Variants in GABRB2 observed in about 807,000 individuals in gnomAD.
The protein encoded by GABRB2 is gamma-aminobutyric acid type A receptor subunit beta2.
In GABRB2, 16 loss-of-function variants were observed where a neutral mutation model predicts 54.7. The ratio of observed to expected loss-of-function variants is 0.29; its 90% CI spans 0.20 to 0.44. The LOEUF (loss-of-function observed/expected upper bound fraction) is 0.44. Ranked by LOEUF, GABRB2 falls within the 20% of genes least tolerant of loss-of-function variation. GABRB2 has a pLI of 1.00. For missense variants in GABRB2, 355 were observed against 644.0 expected, an observed-to-expected ratio of 0.55 and a Z score of 4.86; for synonymous variants, 244 against 233.8, an observed-to-expected ratio of 1.04 and a Z score of -0.40.
chr5:161,353,938 A>G (rs1754543214), intron 5 of GABRB2, among the ~76,000 whole-genome samples: 2 of 152,198 alleles, frequency 1.3e-5, no homozygotes, highest in African/African-American at 2.4e-5. Flanking sequence ...ATTGATTTTC[A>G]GATCCAAGGG....
At chr5:161,325,048 A>G (rs1433703774) in intron 9 of GABRB2, among the ~76,000 whole-genome samples, 1 of 152,082 alleles carries the variant, frequency 6.6e-6, no homozygotes, top group East Asian at 1.9e-4. Flanking sequence ...CCCAGTCTTT[A>G]CAATAATCAT....
At chr5:161,486,262 T>A (rs770446960) in intron 3 of GABRB2, among the ~76,000 whole-genome samples, 6 of 151,840 alleles carry the variant, frequency 4.0e-5, no homozygotes, top group Non-Finnish European at 5.9e-5. Context: ...TTCTCAAACA[T>A]CCACCCTGTA....
chr5:161,507,231 A>G (rs1470316227), intron 3 of GABRB2, among the ~76,000 whole-genome samples: 1 of 152,112 alleles, frequency 6.6e-6, no homozygotes, highest in African/African-American at 2.4e-5. Flanking sequence ...AGGGTACTGG[A>G]TTGGATCCTG....
intron 3 of GABRB2, among the ~76,000 whole-genome samples, chr5:161,536,031 A>T (rs1181237825): frequency 6.6e-6 from 1 of 152,100 alleles, no homozygotes; most frequent in Non-Finnish European, 1.5e-5. Flanking sequence ...CTTTAGTTGA[A>T]GCAGCCTGAT....
At chr5:161,525,875 T>A (rs1303233003) in intron 3 of GABRB2, among the ~76,000 whole-genome samples, 1 of 151,356 alleles carries the variant, frequency 6.6e-6, no homozygotes, top group East Asian at 1.9e-4. Flanking sequence ...AAAAATTTCA[T>A]ACCCAAATTT....
intron 5 of GABRB2, among the ~76,000 whole-genome samples, chr5:161,389,349 A>T (rs188388176): frequency 6.6e-6 from 1 of 151,992 alleles, no homozygotes; most frequent in South Asian, 2.1e-4. Flanking sequence ...TATTCCCCAA[A>T]TTATTTCTTC....
In GABRB2 at chr5:161,313,442, C is replaced by T. The variant is rs111303922; in HGVS notation, c.1191+12926G>A. 1.0e-2 allele frequency among the ~76,000 whole-genome samples: 1,510 copies of T among 151,656 alleles called. 28 individuals are homozygous for T. Among genetic ancestry groups the T allele is most frequent in the African/African-American group, 0.034 (1,397 of 41,314 alleles). On this transcript the variant is annotated intron_variant, in intron 9 of 9. Transcript: ENST00000393959. Reference sequence around the variant, plus strand: ...TTCCTCAACATGCATCTGAAGAAAACACCTCCGTCCTCTGAAACTCAGCAG... The same window carrying T: ...TTCCTCAACATGCATCTGAAGAAAATACCTCCGTCCTCTGAAACTCAGCAG...
chr5:161,496,484 C>A (rs1399515929), intron 3 of GABRB2, among the ~76,000 whole-genome samples: 6 of 150,532 alleles, frequency 4.0e-5, no homozygotes, highest in Admixed American at 4.0e-4. Flanking sequence ...ATATAGTTAT[C>A]TGTCAAATTA....
intron 4 of GABRB2, among the ~76,000 whole-genome samples, chr5:161,423,629 T>C (rs10066996): frequency 0.27 from 41,654 of 151,986 alleles, 7,215 homozygotes; most frequent in African/African-American, 0.49. Context: ...CAGCCATACC[T>C]ATCTCTCTCT....
intron 5 of GABRB2, among the ~76,000 whole-genome samples, chr5:161,357,787 G>A (rs1390776241): frequency 6.6e-6 from 1 of 152,118 alleles, no homozygotes; most frequent in East Asian, 1.9e-4. Context: ...ATATGAAAGA[G>A]AGAGTGGACA....
intron 5 of GABRB2, among the ~76,000 whole-genome samples, chr5:161,386,693 T>C (rs533039863): frequency 4.0e-4 from 61 of 152,072 alleles, no homozygotes; most frequent in African/African-American, 1.4e-3. Flanking sequence ...ACAGGCGTGC[T>C]ACCATGCCCA....
chr5:161,416,003 A>G (rs1417608225), intron 4 of GABRB2, among the ~76,000 whole-genome samples: 1 of 151,830 alleles, frequency 6.6e-6, no homozygotes, highest in Non-Finnish European at 1.5e-5. Flanking sequence ...CAGTGGAATG[A>G]TCTCAGCTCA....
intron 9 of GABRB2, among the ~76,000 whole-genome samples, chr5:161,321,687 CT>C (rs1758215602): frequency 6.6e-6 from 1 of 152,098 alleles, no homozygotes; most frequent in Admixed American, 6.5e-5. Flanking sequence ...CTTATAAGAA[CT>C]TTTCCATTGT....
chr5:161,483,627 C>A (rs902386322), intron 3 of GABRB2, among the ~76,000 whole-genome samples: 1 of 151,906 alleles, frequency 6.6e-6, no homozygotes, highest in African/African-American at 2.4e-5. Flanking sequence ...GAAAGGCCTA[C>A]TGTTAAAACT....
At chr5:161,428,619 C>G (rs926314116) in intron 4 of GABRB2, among the ~76,000 whole-genome samples, 2 of 152,134 alleles carry the variant, frequency 1.3e-5, no homozygotes, top group Admixed American at 6.6e-5. Context: ...AGTCATTAAA[C>G]TACTGAGTTC....
chr5:161,395,037 G>C (rs887413939), intron 5 of GABRB2, among the ~76,000 whole-genome samples: 1 of 152,038 alleles, frequency 6.6e-6, no homozygotes, highest in Non-Finnish European at 1.5e-5. Flanking sequence ...GGAATGCAAG[G>C]TTGAGATAGG....
At chr5:161,306,646 G>T (rs1357072032) in intron 9 of GABRB2, among the ~76,000 whole-genome samples, 1 of 152,120 alleles carries the variant, frequency 6.6e-6, no homozygotes, top group African/African-American at 2.4e-5. Context: ...AATAGCAGGG[G>T]GCATGAGGGT....
In GABRB2 at chr5:161,486,529, C is replaced by T. The variant is rs537261753; in HGVS notation, c.238-26685G>A. On this transcript the variant is annotated intron_variant, in intron 3 of 9. Transcript: ENST00000393959. The stretch of plus-strand genomic sequence containing the variant: ...GATCCCGTCTATGATATGCCCCAGC[C>T]TGGTTCTTCCAGGCATACCATCTCA... Among the ~76,000 whole-genome samples the T allele has an allele frequency of 5.7e-4, 86 of 152,046 alleles. 1 individual carries two copies. Among genetic ancestry groups the T allele is most frequent in the Non-Finnish European group, 1.1e-3 (74 of 67,924 alleles).
chr5:161,325,702 G>T (rs1277731592), intron 9 of GABRB2, among the ~76,000 whole-genome samples: 1 of 152,148 alleles, frequency 6.6e-6, no homozygotes, highest in Non-Finnish European at 1.5e-5. Flanking sequence ...AGGGCAATAT[G>T]AATGACAACT....
Sources: allele counts gnomAD v4.1 joint callset (sites outside exome capture counted in the v4.1 genomes callset), GRCh38; gene constraint gnomAD v4.1.1; transcripts MANE v1.5; gene names NCBI Gene and HGNC (gene_info 2026-07-23, HGNC 2026-07-21).